STOX2: variants seen among roughly 807,000 people sequenced by gnomAD.
The protein encoded by STOX2 is storkhead box 2.
In STOX2, 28 loss-of-function variants were observed where a neutral mutation model predicts 60.9. The observed-to-expected ratio is 0.46, with a 90% CI of 0.34 to 0.63. The LOEUF (loss-of-function observed/expected upper bound fraction) is 0.63. STOX2 is among the 30% of genes least tolerant of loss of function. The pLI is 0.01. For missense variants in STOX2, 1,024 were observed against 1,187.7 expected (o/e 0.86, Z 2.03); for synonymous variants, 472 against 463.9 (o/e 1.02, Z -0.22).
intron 1 of STOX2, among the ~76,000 whole-genome samples, chr4:183,864,848 C>A (rs1475771642): frequency 6.6e-6 from 1 of 152,162 alleles, no homozygotes; most frequent in East Asian, 1.9e-4. Flanking sequence ...TTCACTTATC[C>A]GTCCCAGCAA....
intron 2 of STOX2, among the ~76,000 whole-genome samples, chr4:184,005,457 C>CAAAAAAAAAAA (rs60307441): frequency 3.4e-5 from 2 of 59,282 alleles, no homozygotes. Context: ...GACGATATCT[C>CAAAAAAAAAAA]AAAAAAAAAA....
chr4:183,959,838 G>A (rs1743360770), intron 1 of STOX2, among the ~76,000 whole-genome samples: 2 of 152,132 alleles, frequency 1.3e-5, no homozygotes, highest in South Asian at 4.1e-4. Context: ...TAGGTTTAGC[G>A]ACAAATTCCA....
At chr4:183,998,190 A>G (rs1481906182) in intron 1 of STOX2, among the ~76,000 whole-genome samples, 1 of 152,164 alleles carries the variant, frequency 6.6e-6, no homozygotes, top group African/African-American at 2.4e-5. Flanking sequence ...GTTGGAAGGT[A>G]TTAACTTCTC....
intron 1 of STOX2, among the ~76,000 whole-genome samples, chr4:184,000,563 C>G (rs927570483): frequency 6.6e-6 from 1 of 152,194 alleles, no homozygotes; most frequent in Non-Finnish European, 1.5e-5. Context: ...TATTCATGGT[C>G]GTCCCTACCT....
At chr4:183,908,143 C>A (rs1298156402) in intron 1 of STOX2, among the ~76,000 whole-genome samples, 1 of 152,156 alleles carries the variant, frequency 6.6e-6, no homozygotes, top group Non-Finnish European at 1.5e-5. Context: ...AATAAAAGAA[C>A]CATCTTTTTT....
chr4:183,816,627 T>C (rs1739160406), intron 1 of STOX2, among the ~76,000 whole-genome samples: 1 of 151,936 alleles, frequency 6.6e-6, no homozygotes, highest in Non-Finnish European at 1.5e-5. Context: ...AATCTGCACA[T>C]GCATCCCCTG....
intron 1 of STOX2, among the ~76,000 whole-genome samples, chr4:183,917,702 G>A (rs773221370): frequency 6.6e-6 from 1 of 152,258 alleles, no homozygotes; most frequent in Non-Finnish European, 1.5e-5. Flanking sequence ...GAGCAGAACA[G>A]TGAAGATGGC....
chr4:184,007,737 C>G (rs1007251914), intron 2 of STOX2, among the ~76,000 whole-genome samples: 1 of 152,074 alleles, frequency 6.6e-6, no homozygotes, highest in African/African-American at 2.4e-5. Flanking sequence ...GCTGTGAGGG[C>G]CCTGTCCTCG....
chr4:183,987,308 C>CTT (rs1732887511), intron 1 of STOX2, among the ~76,000 whole-genome samples: 1 of 152,024 alleles, frequency 6.6e-6, no homozygotes, highest in African/African-American at 2.4e-5. Context: ...TAAATAAAGA[C>CTT]TACATGTTTT....
chr4:184,019,493 T>C lies in STOX2; in HGVS notation c.*2209T>C, dbSNP rs1199559586. ...TTGAAACAACACATCAGCCTCTAGCTGATCCTCTGAAAGTAGCCATTGAAA... is the reference window on the plus strand; with the variant it reads ...TTGAAACAACACATCAGCCTCTAGCCGATCCTCTGAAAGTAGCCATTGAAA... On this transcript the variant is annotated 3_prime_UTR_variant, in exon 4 of 4. Coordinates refer to ENST00000308497, the MANE Select transcript of STOX2 (RefSeq NM_020225.3). 6.6e-6 allele frequency: 1 copy of C among 152,238 alleles called. No individual in the cohort carries two copies. Among genetic ancestry groups the C allele is most frequent in the Non-Finnish European group, 1.5e-5 (1 of 68,034 alleles). 9.4% of individuals were successfully genotyped at this position (152,238 alleles called of 1,614,324 possible). A position where few individuals can be genotyped will look rare whatever the true frequency, so the allele number is the denominator to read the frequency against.
chr4:183,968,985 G>A (rs1336392556), intron 1 of STOX2, among the ~76,000 whole-genome samples: 2 of 152,148 alleles, frequency 1.3e-5, no homozygotes. Flanking sequence ...AATAGGATAC[G>A]GTATCACATT....
Position 183,806,191 on chromosome 4 carries a change from T to A in STOX2, c.364+8136T>A, listed in dbSNP as rs915027555. Among the ~76,000 whole-genome samples, 3 of 152,196 alleles carry A rather than the reference T, an allele frequency of 2.0e-5. No individual in the cohort carries two copies. Among genetic ancestry groups the A allele is most frequent in the African/African-American group, 7.2e-5 (3 of 41,442 alleles). On this transcript the variant is annotated intron_variant, in intron 1 of 2. Coordinates refer to the STOX2 transcript ENST00000513034. The surrounding 1 kb of genome is among the most constrained non-coding windows in gnomAD (Gnocchi z 4.1). Reference sequence around the variant, plus strand: ...AAATAAACACGATTAAAGACTCCATTTTCCCAATTTATTGTGAAGGCCCTG... The same window carrying A: ...AAATAAACACGATTAAAGACTCCATATTCCCAATTTATTGTGAAGGCCCTG...
intron 1 of STOX2, among the ~76,000 whole-genome samples, chr4:183,951,235 A>G (rs1297669281): frequency 6.6e-6 from 1 of 151,128 alleles, no homozygotes; most frequent in Non-Finnish European, 1.5e-5. Context: ...AAAAAAAAAA[A>G]AAAGACAGTA....
chr4:183,832,671 A>T (rs1417087527), intron 1 of STOX2, among the ~76,000 whole-genome samples: 1 of 151,010 alleles, frequency 6.6e-6, no homozygotes, highest in Non-Finnish European at 1.5e-5. Context: ...TTGTATTTTT[A>T]GTAGAGACAG....
intron 1 of STOX2, among the ~76,000 whole-genome samples, chr4:183,995,289 G>GTTTTT (rs1467692938): frequency 1.3e-5 from 1 of 75,980 alleles, no homozygotes; most frequent in African/African-American, 6.1e-5. Context: ...CTTTATTTTA[G>GTTTTT]TCTTTTTTTT....
intron 1 of STOX2, among the ~76,000 whole-genome samples, chr4:183,812,671 G>A (rs935080441): frequency 2.0e-5 from 3 of 152,152 alleles, no homozygotes; most frequent in Non-Finnish European, 4.4e-5. Flanking sequence ...TCTAAGGATC[G>A]AGAGTGTGAT....
In STOX2 at chr4:184,023,196, T is replaced by C. The variant is rs117383660; in HGVS notation, c.*5912T>C. The C allele has an allele frequency of 5.3e-5, 8 of 152,328 alleles. No individual in the cohort carries two copies. In the East Asian group the frequency reaches 1.5e-3, roughly 29 times the overall value. The allele number at this position is 152,328 out of a possible 1,614,324, so 9.4% of individuals were successfully genotyped here. A position where few individuals can be genotyped will look rare whatever the true frequency, so the allele number is the denominator to read the frequency against. The stretch of plus-strand genomic sequence containing the variant: ...ACTTGGTCTCTGGTTGCTGTAAAGG[T>C]CATCCAAGATGGATGTTCTGTTTAT... On this transcript the variant is annotated 3_prime_UTR_variant, in exon 4 of 4. Coordinates refer to ENST00000308497, the MANE Select transcript of STOX2 (RefSeq NM_020225.3).
At chr4:183,855,683 TAAGAA>T (rs1740269994) in intron 1 of STOX2, among the ~76,000 whole-genome samples, 1 of 152,162 alleles carries the variant, frequency 6.6e-6, no homozygotes, top group African/African-American at 2.4e-5. Context: ...TCTTAAGGCT[TAAGAA>T]AAGAAAGCGC....
At position 184,001,484 on chromosome 4, in the gene STOX2, A is replaced by G. The variant is rs778788233; in HGVS notation, c.319+7A>G. The G allele has an allele frequency of 6.2e-7, 1 of 1,613,388 alleles. No individual in the cohort carries two copies. The highest frequency in any genetic ancestry group is 1.7e-5 in the Admixed American group (1 of 59,978). On this transcript the variant is annotated splice_region_variant and intron_variant, in intron 2 of 3. Coordinates refer to ENST00000308497, the MANE Select transcript of STOX2 (RefSeq NM_020225.3). This position sits in a 1 kb window ranked among gnomAD's most constrained non-coding sequence, Gnocchi z 4.2. ...CTGACCACGTGCTTCCCAGGTAACGAGGCGGGAACGTAGCACTTTCCAGGT... is the reference window on the plus strand; with the variant it reads ...CTGACCACGTGCTTCCCAGGTAACGGGGCGGGAACGTAGCACTTTCCAGGT...
Sources: gnomAD v4.1 joint callset for allele counts (sites outside exome capture counted in the v4.1 genomes callset) on GRCh38, gnomAD v4.1.1 for gene constraint, Gnocchi (gnomAD v3.1) non-coding constraint, MANE v1.5 for transcripts, NCBI Gene and HGNC (gene_info 2026-07-23, HGNC 2026-07-21) for gene names.